Variants in FARP1 observed in about 807,000 individuals in gnomAD.
FARP1 encodes the protein FERM, ARHGEF and pleckstrin domain-containing protein 1.
Under a neutral mutation model 128.8 loss-of-function variants are expected in FARP1, and 52 were observed. The observed-to-expected ratio is 0.40, with a 90% CI of 0.32 to 0.51. FARP1 has a LOEUF of 0.51. Ranked by LOEUF, FARP1 falls within the 20% of genes least tolerant of loss-of-function variation. FARP1 has a pLI of 0.45. For synonymous variants in FARP1, 580 were observed against 551.8 expected, an observed-to-expected ratio of 1.05 and a Z score of -0.72; for missense variants, 1,333 against 1,367.9, an observed-to-expected ratio of 0.97 and a Z score of 0.40.
At chr13:98,206,206 T>C (rs1468638576) in intron 1 of FARP1, among the ~76,000 whole-genome samples, 1 of 151,398 alleles carries the variant, frequency 6.6e-6, no homozygotes, top group Admixed American at 6.6e-5. Flanking sequence ...TGTGTGTGTG[T>C]GTGTGTGTGT....
intron 6 of FARP1, among the ~76,000 whole-genome samples, chr13:98,382,750 CT>C (rs1229405475): frequency 1.3e-5 from 2 of 151,790 alleles, no homozygotes; most frequent in Non-Finnish European, 2.9e-5. Context: ...TTTTCTCGTA[CT>C]GTTAATAAGT....
At chr13:98,321,616 C>T (rs1886994544) in intron 2 of FARP1, among the ~76,000 whole-genome samples, 1 of 152,134 alleles carries the variant, frequency 6.6e-6, no homozygotes, top group South Asian at 2.1e-4. Context: ...AATATGGAGG[C>T]AGAGACAGAA....
Position 98,454,447 on chromosome 13 carries a change from T to A in FARP1, c.*6130T>A, listed in dbSNP as rs1428214006. On this transcript the variant is annotated 3_prime_UTR_variant, in exon 27 of 27. Coordinates refer to ENST00000319562, the MANE Select transcript of FARP1 (RefSeq NM_005766.4). ...AATCTAGAGCTCCTCTTTTCAGGCATTTGAAATACTTGGCATCTCTCCCAG... is the reference window on the plus strand; with the variant it reads ...AATCTAGAGCTCCTCTTTTCAGGCAATTGAAATACTTGGCATCTCTCCCAG... The A allele has an allele frequency of 1.3e-5, 2 of 152,228 alleles. No individual in the cohort carries two copies. The highest frequency in any genetic ancestry group is 6.5e-5 in the Admixed American group (1 of 15,290). 9.4% of individuals were successfully genotyped at this position (152,228 alleles called of 1,614,324 possible). A position where few individuals can be genotyped will look rare whatever the true frequency, so the allele number is the denominator to read the frequency against.
chr13:98,233,389 C>T (rs111257156), intron 2 of FARP1, among the ~76,000 whole-genome samples: 3 of 151,798 alleles, frequency 2.0e-5, no homozygotes, highest in Non-Finnish European at 4.4e-5. Flanking sequence ...ACAGGCTCCC[C>T]CACGTGAGAA....
At chr13:98,249,381 C>A (rs1460804292) in intron 2 of FARP1, among the ~76,000 whole-genome samples, 1 of 152,136 alleles carries the variant, frequency 6.6e-6, no homozygotes, top group Non-Finnish European at 1.5e-5. Context: ...TGATACGATA[C>A]TTCTTTTATG....
chr13:98,393,947 A>G (rs1347576358), intron 12 of FARP1, among the ~76,000 whole-genome samples: 2 of 152,148 alleles, frequency 1.3e-5, no homozygotes, highest in Non-Finnish European at 2.9e-5. Context: ...CTGCCTTCTC[A>G]TCTCCCATGC....
Position 98,343,792 on chromosome 13 carries a change from G to A in FARP1, c.202G>A (p.Ala68Thr). ...AGCTCCTGGGAAGGTGCTGCTGGAT[G>A]CAGTTTGCAACCACCTCAACCTCGT... Reference protein sequence around the residue: ...QRAPGKVLLDAVCNHLNLVEG... With the variant: ...QRAPGKVLLDTVCNHLNLVEG... The change falls in exon 3 of 27, where the codon GCA (alanine) becomes ACA (threonine). Residue 68 changes from alanine to threonine, a missense_variant. Transcript: ENST00000319562. The A allele has an allele frequency of 6.2e-7, 1 of 1,614,134 alleles. No homozygotes were observed. The highest frequency in any genetic ancestry group is 8.5e-7 in the Non-Finnish European group (1 of 1,179,944).
chr13:98,167,999 C>T (rs370621896), intron 1 of FARP1, among the ~76,000 whole-genome samples: 3 of 151,752 alleles, frequency 2.0e-5, no homozygotes, highest in South Asian at 2.1e-4. Flanking sequence ...GGTGAAACCC[C>T]GTCTCTACTA....
At chr13:98,213,459 G>A (rs1413298056) in intron 2 of FARP1, 46 bp downstream of exon 2, 16 of 1,587,068 alleles carry the variant, frequency 1.0e-5, no homozygotes, top group Non-Finnish European at 1.4e-5. Context: ...GTAGGGGACA[G>A]CCTTTGGTGT....
At position 98,223,808 on chromosome 13, in the gene FARP1, C is replaced by T. The variant is rs188763811; in HGVS notation, c.171+10395C>T. On this transcript the variant is annotated intron_variant, in intron 2 of 26. Coordinates refer to ENST00000319562, the MANE Select transcript of FARP1 (RefSeq NM_005766.4). ...CTTGCATTCCAATTTCCTCATCTCCCCAGAAGCTACTCTGTTAAGCTTGCC... is the reference window on the plus strand; with the variant it reads ...CTTGCATTCCAATTTCCTCATCTCCTCAGAAGCTACTCTGTTAAGCTTGCC... Among the ~76,000 whole-genome samples, 12 of 152,312 alleles carry T rather than the reference C, an allele frequency of 7.9e-5. No individual in the cohort carries two copies. In the South Asian group the frequency reaches 2.5e-3, roughly 32 times the overall value.
intron 2 of FARP1, among the ~76,000 whole-genome samples, chr13:98,239,741 C>T (rs967889706): frequency 2.0e-5 from 3 of 151,856 alleles, no homozygotes; most frequent in South Asian, 2.1e-4. Flanking sequence ...GGGCTGCTCC[C>T]GGAGGAGATG....
chr13:98,329,387 T>C (rs653250), intron 2 of FARP1: 75,725 of 152,046 alleles, frequency 0.5, 18,947 homozygotes, highest in African/African-American at 0.55. Flanking sequence ...CTTGGCCAGG[T>C]GTGGTGGCTC....
In FARP1 at chr13:98,177,157, C is replaced by A. The variant is rs774664158; in HGVS notation, c.-24+33665C>A. 5.0e-6 allele frequency: 8 copies of A among 1,607,128 alleles called. No individual in the cohort carries two copies. Among genetic ancestry groups the A allele is most frequent in the Non-Finnish European group, 6.8e-6 (8 of 1,179,432 alleles). ...CTTTCTGAGGCCTGCAGCCCCTTTC[C>A]GTCCAGGCTTTTTGAAGAGGAAGGT... On this transcript the variant is annotated intron_variant, in intron 1 of 26. Transcript: ENST00000319562.
At position 98,387,698 on chromosome 13, in the gene FARP1, CAT is replaced by C. The variant is rs1181329171; in HGVS notation, c.760-684_760-683del. ...CCCTGGCTGCCAAAGACAATGAAGA[CAT>C]GTGAATCCGGCCCAGAGACTGTGCT... On this transcript the variant is annotated intron_variant, in intron 8 of 26. Coordinates refer to ENST00000319562, the MANE Select transcript of FARP1 (RefSeq NM_005766.4). 3.9e-5 allele frequency among the ~76,000 whole-genome samples: 6 copies of C among 152,290 alleles called. No individual in the cohort carries two copies. The South Asian group carries it at 6.2e-4, about 16-fold the overall frequency.
intron 2 of FARP1, among the ~76,000 whole-genome samples, chr13:98,299,745 C>CA (rs1677114047): frequency 6.6e-6 from 1 of 152,176 alleles, no homozygotes; most frequent in South Asian, 2.1e-4. Flanking sequence ...TAAACAGTAA[C>CA]AAAAAGCTGT....
At chr13:98,408,166 A>G (rs1891049528) in intron 13 of FARP1, among the ~76,000 whole-genome samples, 1 of 152,176 alleles carries the variant, frequency 6.6e-6, no homozygotes, top group Admixed American at 6.5e-5. Flanking sequence ...TAGTATAAAT[A>G]TAAGTGTTAG....
rs1877855774 is a variant in FARP1, at chr13:98,174,475, G to A, written c.-24+30983G>A. On this transcript the variant is annotated intron_variant, in intron 1 of 26. Coordinates refer to ENST00000319562, the MANE Select transcript of FARP1 (RefSeq NM_005766.4). ...GAAAGTTTCATATTTCTTCTTTTGTGCAGATTCCAAATGTTTTTGGAAGGC... is the reference window on the plus strand; with the variant it reads ...GAAAGTTTCATATTTCTTCTTTTGTACAGATTCCAAATGTTTTTGGAAGGC... Among the ~76,000 whole-genome samples, 4 of 152,174 alleles carry A rather than the reference G, an allele frequency of 2.6e-5. No homozygotes were observed. In the South Asian group the frequency reaches 8.3e-4, roughly 32 times the overall value.
intron 16 of FARP1, among the ~76,000 whole-genome samples, chr13:98,421,595 T>C (rs1288203462): frequency 1.3e-5 from 2 of 152,220 alleles, no homozygotes; most frequent in Admixed American, 1.3e-4. Context: ...ATGTGGCTCA[T>C]ACCTATAATC....
At position 98,451,848 on chromosome 13, in the gene FARP1, G is replaced by A. The variant is rs1387090367; in HGVS notation, c.*3531G>A. The A allele has an allele frequency of 1.3e-5, 2 of 152,290 alleles. No individual in the cohort carries two copies. Among genetic ancestry groups the A allele is most frequent in the African/African-American group, 4.8e-5 (2 of 41,418 alleles). 9.4% of individuals were successfully genotyped at this position (152,290 alleles called of 1,614,324 possible). A position where few individuals can be genotyped will look rare whatever the true frequency, so the allele number is the denominator to read the frequency against. ...GTCCCACAGCAAACCAAGAAAAACAGACACACTGGCTGCCTGCCTAGCAAG... is the reference window on the plus strand; with the variant it reads ...GTCCCACAGCAAACCAAGAAAAACAAACACACTGGCTGCCTGCCTAGCAAG... On this transcript the variant is annotated 3_prime_UTR_variant, in exon 27 of 27. Coordinates refer to ENST00000319562, the MANE Select transcript of FARP1 (RefSeq NM_005766.4).
Sources: gnomAD v4.1 joint callset for allele counts (sites outside exome capture counted in the v4.1 genomes callset) on GRCh38, gnomAD v4.1.1 for gene constraint, MANE v1.5 for transcripts, NCBI Gene and HGNC (gene_info 2026-07-23, HGNC 2026-07-21) for gene names.